The following RYR1 variants were observed in gnomAD, a reference collection of about 807,000 sequenced individuals.
RYR1 encodes central core disease of muscle.
RYR1 carries 342 observed loss-of-function variants against 583.5 expected under a neutral mutation model. The observed-to-expected ratio is 0.59, with a 90% confidence interval of 0.54 to 0.64. RYR1 has a LOEUF of 0.64. Among genes scored for constraint, RYR1 ranks in the 30% least tolerant of loss-of-function variants. RYR1 has a pLI of 0.00. For missense variants in RYR1, 6,032 were observed against 6,917.2 expected, an observed-to-expected ratio of 0.87 and a Z score of 4.54; for synonymous variants, 2,791 against 2,822.5, an observed-to-expected ratio of 0.99 and a Z score of 0.35.
chr19:38,530,764 AG>A (rs1971695812), intron 76 of RYR1, among the ~76,000 whole-genome samples: 1 of 151,458 alleles, frequency 6.6e-6, no homozygotes. Flanking sequence ...AGAAGGACAA[AG>A]GGTCCCCACT....
At chr19:38,503,753 A>G (rs1336735110) in intron 49 of RYR1, among the ~76,000 whole-genome samples, 8 of 151,552 alleles carry the variant, frequency 5.3e-5, no homozygotes, top group Non-Finnish European at 1.0e-4. Flanking sequence ...AGCCTGGTCA[A>G]GAGAGTGAGA....
At chr19:38,441,770 G>A (rs1360333059) in intron 2 of RYR1, among the ~76,000 whole-genome samples, 1 of 151,978 alleles carries the variant, frequency 6.6e-6, no homozygotes. Flanking sequence ...AGCGAGTGGG[G>A]TCTGAGGAGC....
rs1555798622 is a variant in RYR1, at chr19:38,561,381, G to C, written c.12551G>C (p.Gly4184Ala). The C allele has an allele frequency of 6.2e-7, 1 of 1,613,556 alleles. No homozygotes were observed. The highest frequency in any genetic ancestry group is 8.5e-7 in the Non-Finnish European group (1 of 1,180,004). Reference sequence around the variant, plus strand: ...TACCTGGGCCGCATCGAGATCATGGGCGCGTCACGCCGCATCGAGCGCATC... The same window carrying C: ...TACCTGGGCCGCATCGAGATCATGGCCGCGTCACGCCGCATCGAGCGCATC... ...RPYLGRIEIM[G>A]ASRRIERIYF... is the part of the protein sequence containing the mutation. Residue 4184 changes from glycine (G) to alanine (A), a missense_variant, in exon 90 of 106, where the codon GGC becomes GCC. Transcript: ENST00000359596. This position sits in a 1 kb window ranked among gnomAD's most constrained non-coding sequence, Gnocchi z 4.8.
At chr19:38,440,645 T>G in intron 1 of RYR1, 100 bp from the exon 2 acceptor site, 2 of 1,447,562 alleles carry the variant, frequency 1.4e-6, no homozygotes, top group Non-Finnish European at 9.4e-7. Flanking sequence ...AGTCACTGTC[T>G]TTTTCATAAG....
At chr19:38,474,101 G>A (rs1968586789) in intron 28 of RYR1, among the ~76,000 whole-genome samples, 1 of 152,182 alleles carries the variant, frequency 6.6e-6, no homozygotes, top group Admixed American at 6.5e-5. Context: ...ATCTTCCTAG[G>A]AGAGTTTACT....
chr19:38,444,055 G>C lies in RYR1; in HGVS notation c.425-94G>C, dbSNP rs1280270207. The C allele has an allele frequency of 9.1e-6, 10 of 1,103,028 alleles. No homozygotes were observed. The highest frequency in any genetic ancestry group is 1.5e-5 in the African/African-American group (1 of 64,996). The allele number at this position is 1,103,028 out of a possible 1,614,324, so 68.3% of individuals were successfully genotyped here. A position where few individuals can be genotyped will look rare whatever the true frequency, so the allele number is the denominator to read the frequency against. On this transcript the variant is annotated intron_variant, in intron 5 of 105. Transcript: ENST00000359596. The surrounding 1 kb of genome is among the most constrained non-coding windows in gnomAD (Gnocchi z 5.1). ...CAGTGATAGGAGAGTTGTGGGCCAA[G>C]GGCCCGGGAGGCCTGGTGGAGGGAG... is the stretch of plus-strand genomic sequence containing the variant.
intron 64 of RYR1, 62 bp from the exon 65 acceptor site, chr19:38,516,025 G>T: frequency 6.6e-7 from 1 of 1,526,070 alleles, no homozygotes; most frequent in Non-Finnish European, 8.8e-7. Flanking sequence ...TGGAGATGGG[G>T]CTGGGACCCA....
intron 102 of RYR1, 72 bp from the exon 103 acceptor site, chr19:38,585,866 G>T (rs1974460969): frequency 6.4e-7 from 1 of 1,568,778 alleles, no homozygotes; most frequent in South Asian, 1.1e-5. Flanking sequence ...AGCCCTGGAG[G>T]TAGGTAGCTG....
chr19:38,462,782 G>T (rs1967826235), intron 20 of RYR1, among the ~76,000 whole-genome samples: 1 of 152,096 alleles, frequency 6.6e-6, no homozygotes, highest in Non-Finnish European at 1.5e-5. Flanking sequence ...GGCTGGATAG[G>T]GCTGGGGACT....
At chr19:38,459,859 T>A (rs1352306503) in intron 19 of RYR1, among the ~76,000 whole-genome samples, 1 of 152,146 alleles carries the variant, frequency 6.6e-6, no homozygotes, top group Non-Finnish European at 1.5e-5. Context: ...GACCTTTCAA[T>A]AGACCCAGAC....
chr19:38,586,291 T>C (rs540373640), intron 104 of RYR1, 100 bp downstream of exon 104: 77 of 1,218,610 alleles, frequency 6.3e-5, no homozygotes, highest in Non-Finnish European at 8.6e-5. Flanking sequence ...GGGGGTGTAG[T>C]GTCCATGTGG....
chr19:38,512,340 T>C lies in RYR1; in HGVS notation c.9329T>C (p.Leu3110Pro). The C allele has an allele frequency of 6.2e-7, 1 of 1,614,164 alleles. No homozygotes were observed. The change falls in exon 63 of 106, where the codon CTG (leucine) becomes CCG (proline). Residue 3110 changes from leucine (L) to proline (P), a missense_variant. Physicochemically the swap from Leu to Pro is moderately conservative, Grantham distance 98. Coordinates refer to ENST00000359596, the MANE Select transcript of RYR1 (RefSeq NM_000540.3). The surrounding 1 kb of genome is among the most constrained non-coding windows in gnomAD (Gnocchi z 5.1). Reference protein sequence around the residue: ...SEDIEKMVENLRLGKVSQART... With the variant: ...SEDIEKMVENPRLGKVSQART... ...GACATCGAGAAGATGGTGGAGAACC[T>C]GCGGCTGGGCAAGGTGTCGCAGGCG...
At chr19:38,446,426 T>G (rs766887520) in intron 7 of RYR1, 46 bp from the exon 8 acceptor site, 8 of 1,438,144 alleles carry the variant, frequency 5.6e-6, no homozygotes, top group East Asian at 2.3e-5. Context: ...CTGGTCTTCC[T>G]GGGGCTCCAG....
chr19:38,574,367 C>T (rs1418923785), intron 96 of RYR1, among the ~76,000 whole-genome samples: 1 of 151,286 alleles, frequency 6.6e-6, no homozygotes, highest in African/African-American at 2.4e-5. Flanking sequence ...CCTGTAATCT[C>T]AGCACTTTGG....
intron 73 of RYR1, 163 bp from the exon 74 acceptor site, chr19:38,528,143 C>A: frequency 1.4e-6 from 1 of 696,442 alleles, no homozygotes; most frequent in Admixed American, 2.1e-5. Flanking sequence ...GGTCTGGAGG[C>A]GGAGTCAGGA....
Position 38,535,388 on chromosome 19 carries a change from T to G in RYR1, c.11512T>G (p.Cys3838Gly), listed in dbSNP as rs1971921785. The change falls in exon 81 of 106, where the codon TGC becomes GGC. Residue 3838 changes from cysteine (C) to glycine (G), a missense_variant. This residue lies in a region of RYR1 where 1,493 missense variants were observed against 1,715.5 expected (regional missense o/e 0.87). Coordinates refer to ENST00000359596, the MANE Select transcript of RYR1 (RefSeq NM_000540.3). ...FQSIQALMQT[C>G]SVLDLNAFER... ...GAGTATCCAGGCACTGATGCAAACATGCAGGTAGGTTCGAGTGGACCTCTT... is the reference window on the plus strand; with the variant it reads ...GAGTATCCAGGCACTGATGCAAACAGGCAGGTAGGTTCGAGTGGACCTCTT... 1 of 1,613,156 alleles carries G rather than the reference T, an allele frequency of 6.2e-7. No homozygotes were observed.
In RYR1 at chr19:38,483,047, A is replaced by G. The variant is rs899676846; in HGVS notation, c.4641A>G (p.Leu1547=). Residue 1547 remains leucine (L), a synonymous_variant, in exon 32 of 106, where the codon CTA becomes CTG. Coordinates refer to ENST00000359596, the MANE Select transcript of RYR1 (RefSeq NM_000540.3). This position sits in a 1 kb window ranked among gnomAD's most constrained non-coding sequence, Gnocchi z 6.3. ...GCCAGGTGGAACCCAACACTAAGCT[A>G]TTTCCTGCCGTCTTCGTCCTGCCCA... ...TFFQVEPNTK[L]FPAVFVLPTH... is the part of the protein sequence containing the mutation. The G allele has an allele frequency of 1.2e-6, 2 of 1,613,932 alleles. No homozygotes were observed. Among genetic ancestry groups the G allele is most frequent in the Non-Finnish European group, 1.7e-6 (2 of 1,179,980 alleles).
Position 38,499,347 on chromosome 19 carries a change from C to A in RYR1, c.7027+104C>A. The A allele has an allele frequency of 1.3e-6, 2 of 1,563,314 alleles. No individual in the cohort carries two copies. Among genetic ancestry groups the A allele is most frequent in the South Asian group, 1.1e-5 (1 of 89,452 alleles). On this transcript the variant is annotated intron_variant, in intron 43 of 105. Coordinates refer to ENST00000359596, the MANE Select transcript of RYR1 (RefSeq NM_000540.3). The surrounding 1 kb of genome is among the most constrained non-coding windows in gnomAD (Gnocchi z 7.3). ...CCCTGAGCCACAGATGGGGTCCAGGCAGGAATCCCTTCCAGCAGGCCTGGG... is the reference window on the plus strand; with the variant it reads ...CCCTGAGCCACAGATGGGGTCCAGGAAGGAATCCCTTCCAGCAGGCCTGGG...
intron 42 of RYR1, among the ~76,000 whole-genome samples, chr19:38,497,844 C>T (rs570072481): frequency 2.0e-4 from 31 of 151,954 alleles, no homozygotes; most frequent in Non-Finnish European, 4.0e-4. Context: ...TGTAGTGGCA[C>T]GTAACTGTAG....
Sources: allele counts gnomAD v4.1 joint callset (sites outside exome capture counted in the v4.1 genomes callset), GRCh38; gene constraint gnomAD v4.1.1; regional missense constraint gnomAD v4.1.1; non-coding constraint Gnocchi (gnomAD v3.1); transcripts MANE v1.5; gene names NCBI Gene and HGNC (gene_info 2026-07-23, HGNC 2026-07-21).